The following PTPRD variants were observed in gnomAD, a reference collection of about 807,000 sequenced individuals.
The protein encoded by PTPRD is receptor-type tyrosine-protein phosphatase delta.
In PTPRD, 34 loss-of-function variants were observed where a neutral mutation model predicts 214.5. That is an observed-to-expected ratio of 0.16 (90% CI 0.12 to 0.21). The LOEUF (loss-of-function observed/expected upper bound fraction) is 0.21, where lower values mean the gene tolerates loss of function less well. Among genes scored for constraint, PTPRD ranks in the 10% least tolerant of loss-of-function variants. The probability of loss-of-function intolerance (pLI) is 1.00; values close to 1 mark genes in which losing one functional copy is unlikely to be tolerated. For synonymous variants in PTPRD, 1,128 were observed against 845.7 expected, an observed-to-expected ratio of 1.33 and a Z score of -5.79; for missense variants, 2,545 against 2,398.7, an observed-to-expected ratio of 1.06 and a Z score of -1.27.
chr9:8,487,504 G>A (rs1299560401), intron 27 of PTPRD, among the ~76,000 whole-genome samples: 1 of 152,032 alleles, frequency 6.6e-6, no homozygotes, highest in African/African-American at 2.4e-5. Context: ...TGAGGTGGGA[G>A]GACTGCTTGA....
intron 9 of PTPRD, among the ~76,000 whole-genome samples, chr9:9,208,663 G>A (rs1353008015): frequency 6.6e-6 from 1 of 152,012 alleles, no homozygotes; most frequent in African/African-American, 2.4e-5. Flanking sequence ...TTTAGGGAAA[G>A]TTTCTCTATG....
rs774004202 is a variant in PTPRD at position 8,633,385 on chromosome 9, A to G, written c.284T>C (p.Ile95Thr). ...ATTATTTGAGGCCACACATTCATAA[A>G]TGGCCTCATCCCTCGGAGTCCGTAA... Reference protein sequence around the residue: ...QPLRTPRDEAIYECVASNNVG... With the variant: ...QPLRTPRDEATYECVASNNVG... The change falls in exon 14 of 46, where the codon ATT (isoleucine) becomes ACT (threonine). Residue 95 changes from isoleucine (I) to threonine (T), a missense_variant. Ile to Thr is a moderately conservative substitution (Grantham distance 89). Coordinates refer to ENST00000381196, the MANE Select transcript of PTPRD (RefSeq NM_002839.4). 5 of 1,612,872 alleles carry G rather than the reference A, an allele frequency of 3.1e-6. No homozygotes were observed. In the South Asian group the frequency reaches 5.5e-5, roughly 18 times the overall value.
chr9:10,031,647 T>TATATATATATATATACACACACAC lies in PTPRD; in HGVS notation c.-472+2070_-472+2071insGTGTGTGTGTATATATATATATAT. 7.1e-4 allele frequency among the ~76,000 whole-genome samples: 64 copies of TATATATATATATATACACACACAC among 89,622 alleles called. No homozygotes were observed. The East Asian group carries it at 0.022, about 30-fold the overall frequency. 58.8% of individuals were successfully genotyped at this position (89,622 alleles called of 152,430 possible). On this transcript the variant is annotated intron_variant, in intron 4 of 45. Coordinates refer to ENST00000381196, the MANE Select transcript of PTPRD (RefSeq NM_002839.4). Reference sequence around the variant, plus strand: ...CTCCATATATATATATATATATATATACACACACACACACACACATACACA... The same window carrying TATATATATATATATACACACACAC: ...CTCCATATATATATATATATATATATATATATATATATATACACACACACACACACACACACACACACATACACA...
At chr9:10,503,688 C>G (rs912249186) in intron 2 of PTPRD, among the ~76,000 whole-genome samples, 2 of 151,886 alleles carry the variant, frequency 1.3e-5, no homozygotes, top group East Asian at 3.9e-4. Context: ...GGAGATTACA[C>G]TTTAGTAGGC....
At chr9:9,871,892 A>G (rs1318850586) in intron 5 of PTPRD, among the ~76,000 whole-genome samples, 2 of 152,176 alleles carry the variant, frequency 1.3e-5, no homozygotes, top group African/African-American at 4.8e-5. Context: ...TAACTATTCT[A>G]AATAAATCAT....
At chr9:10,344,423 T>A (rs547070614) in intron 2 of PTPRD, among the ~76,000 whole-genome samples, 1 of 152,190 alleles carries the variant, frequency 6.6e-6, no homozygotes, top group African/African-American at 2.4e-5. Flanking sequence ...GCTGTTTTGG[T>A]TACTGTAGTC....
At chr9:8,830,072 T>C (rs1343256060) in intron 11 of PTPRD, among the ~76,000 whole-genome samples, 2 of 152,162 alleles carry the variant, frequency 1.3e-5, no homozygotes, top group African/African-American at 4.8e-5. Context: ...TCAGGCATTG[T>C]TCTAGTCTCC....
At chr9:8,791,285 G>C (rs1224572128) in intron 11 of PTPRD, among the ~76,000 whole-genome samples, 3 of 151,996 alleles carry the variant, frequency 2.0e-5, no homozygotes, top group Admixed American at 1.3e-4. Context: ...GAGTGCAGTG[G>C]CGTGATCTCC....
At chr9:8,436,496 G>C in intron 35 of PTPRD, 96 bp downstream of exon 35, 1 of 886,870 alleles carries the variant, frequency 1.1e-6, no homozygotes, top group Non-Finnish European at 1.8e-6. Flanking sequence ...ATATTTAAAG[G>C]GAAAAGCACT....
At chr9:8,746,168 G>A (rs536573920) in intron 11 of PTPRD, among the ~76,000 whole-genome samples, 3 of 152,012 alleles carry the variant, frequency 2.0e-5, no homozygotes, top group African/African-American at 7.2e-5. Context: ...AGGTGGGAAC[G>A]GGTTAGATTC....
intron 37 of PTPRD, among the ~76,000 whole-genome samples, chr9:8,377,628 C>T (rs1230808447): frequency 6.6e-6 from 1 of 151,840 alleles, no homozygotes; most frequent in Non-Finnish European, 1.5e-5. Flanking sequence ...GGGACTAATT[C>T]TTAAGAGAAC....
intron 3 of PTPRD, among the ~76,000 whole-genome samples, chr9:10,259,772 T>C (rs2093569708): frequency 6.6e-6 from 1 of 152,218 alleles, no homozygotes; most frequent in South Asian, 2.1e-4. Context: ...GCCCTGATGA[T>C]CTGCCTGGTT....
At chr9:9,736,276 G>T in intron 6 of PTPRD, among the ~76,000 whole-genome samples, 1 of 151,938 alleles carries the variant, frequency 6.6e-6, no homozygotes, top group African/African-American at 2.4e-5. Flanking sequence ...TTATCTACTT[G>T]GAATCATGTA....
intron 5 of PTPRD, among the ~76,000 whole-genome samples, chr9:9,787,475 C>G (rs1349131319): frequency 2.0e-5 from 3 of 148,256 alleles, no homozygotes; most frequent in African/African-American, 7.4e-5. Flanking sequence ...ATTAATGTTA[C>G]TTTTTTTCTG....
chr9:10,415,407 T>G (rs1201903550), intron 2 of PTPRD, among the ~76,000 whole-genome samples: 1 of 151,924 alleles, frequency 6.6e-6, no homozygotes, highest in African/African-American at 2.4e-5. Flanking sequence ...GTTTTATTAT[T>G]CAACAAGTTA....
chr9:8,400,032 CTT>C (rs2092108772), intron 36 of PTPRD, among the ~76,000 whole-genome samples: 1 of 151,908 alleles, frequency 6.6e-6, no homozygotes, highest in Non-Finnish European at 1.5e-5. Flanking sequence ...AATGTCTTGT[CTT>C]TGTTGTTGAA....
chr9:10,332,064 A>AT (rs2096760968), intron 3 of PTPRD, among the ~76,000 whole-genome samples: 1 of 151,766 alleles, frequency 6.6e-6, no homozygotes, highest in African/African-American at 2.4e-5. Context: ...TAATGCATTT[A>AT]TTTTTTACAT....
At chr9:10,234,179 G>A (rs990075136) in intron 3 of PTPRD, among the ~76,000 whole-genome samples, 3 of 151,244 alleles carry the variant, frequency 2.0e-5, no homozygotes, top group Admixed American at 6.6e-5. Context: ...GCTTGAACCC[G>A]GGAGGCAGAG....
chr9:8,761,611 T>C (rs1460145085), intron 11 of PTPRD, among the ~76,000 whole-genome samples: 1 of 152,150 alleles, frequency 6.6e-6, no homozygotes, highest in African/African-American at 2.4e-5. Flanking sequence ...ATGTGTCTCC[T>C]AAGGAGTTAC....
Sources: allele counts gnomAD v4.1 joint callset (sites outside exome capture counted in the v4.1 genomes callset), GRCh38; gene constraint gnomAD v4.1.1; transcripts MANE v1.5; gene names NCBI Gene and HGNC (gene_info 2026-07-23, HGNC 2026-07-21).